Variants in TRAK1 observed in about 807,000 individuals in gnomAD.
TRAK1 encodes trafficking kinesin protein 1, also known as trafficking kinesin-binding protein 1.
A neutral mutation model predicts 92.1 loss-of-function variants in TRAK1; 33 were observed. That is an observed-to-expected ratio of 0.36 (90% CI 0.27 to 0.48). The LOEUF (loss-of-function observed/expected upper bound fraction) is 0.48. TRAK1 is among the 20% of genes least tolerant of loss of function. TRAK1 has a pLI of 0.99. For missense variants in TRAK1, 1,123 were observed against 1,257.9 expected, an observed-to-expected ratio of 0.89 and a Z score of 1.62; for synonymous variants, 521 against 517.3, an observed-to-expected ratio of 1.01 and a Z score of -0.10.
At chr3:42,206,939 C>T (rs1708397742) in intron 13 of TRAK1, among the ~76,000 whole-genome samples, 1 of 152,134 alleles carries the variant, frequency 6.6e-6, no homozygotes, top group African/African-American at 2.4e-5. Context: ...AGGAGAAAGG[C>T]CTATGAGACT....
intron 1 of TRAK1, among the ~76,000 whole-genome samples, chr3:42,047,732 G>T (rs1702811501): frequency 6.6e-6 from 1 of 152,116 alleles, no homozygotes; most frequent in South Asian, 2.1e-4. Context: ...ATTTAGGAAA[G>T]AGATGAAAGT....
chr3:42,019,181 G>C (rs1218050365), intron 1 of TRAK1, among the ~76,000 whole-genome samples: 1 of 151,242 alleles, frequency 6.6e-6, no homozygotes, highest in Non-Finnish European at 1.5e-5. Context: ...ACTTTTTTTT[G>C]TCTCTCTCCA....
chr3:42,074,905 T>A (rs944954757), intron 1 of TRAK1, among the ~76,000 whole-genome samples: 11 of 152,176 alleles, frequency 7.2e-5, no homozygotes, highest in Admixed American at 2.0e-4. Context: ...CTTCTTTGCG[T>A]CCATGTGTAT....
At chr3:42,023,986 C>T (rs1701826276) in intron 1 of TRAK1, among the ~76,000 whole-genome samples, 3 of 152,016 alleles carry the variant, frequency 2.0e-5, no homozygotes, top group Non-Finnish European at 4.4e-5. Flanking sequence ...AATTCCTGAC[C>T]TCAGGTGATT....
At chr3:42,081,464 A>AC (rs1239409600) in intron 1 of TRAK1, among the ~76,000 whole-genome samples, 79 of 152,308 alleles carry the variant, frequency 5.2e-4, no homozygotes, top group African/African-American at 1.8e-3. Context: ...TATTTATTCT[A>AC]CAGACATTTA....
chr3:42,066,063 C>T (rs905372391), intron 1 of TRAK1, among the ~76,000 whole-genome samples: 9 of 152,186 alleles, frequency 5.9e-5, no homozygotes, highest in Non-Finnish European at 7.3e-5. Flanking sequence ...CAGTGGCTCA[C>T]GCCTGTGATC....
rs761497173 is a variant in TRAK1, at chr3:42,209,926, A to G, written c.1904A>G (p.Asp635Gly). ...GACTTTGAAGAAGATGACACAGGTG[A>G]CCACATTTCTCTCCCACGCCTAGCT... Reference protein sequence around the residue: ...LNDFEEDDTGDHISLPRLATS... With the variant: ...LNDFEEDDTGGHISLPRLATS... The change falls in exon 14 of 16, where the codon GAC becomes GGC. Residue 635 changes from aspartate (D) to glycine (G), a missense_variant. Transcript: ENST00000327628. 2.5e-6 allele frequency: 4 copies of G among 1,614,158 alleles called. No individual in the cohort carries two copies. The Admixed American group carries it at 6.7e-5, about 27-fold the overall frequency.
intron 14 of TRAK1, chr3:42,217,574 G>A (rs1382842821): frequency 2.0e-6 from 2 of 985,326 alleles, no homozygotes; most frequent in African/African-American, 3.5e-5. Flanking sequence ...GTGAACATTT[G>A]TGACCTTTTG....
intron 2 of TRAK1, among the ~76,000 whole-genome samples, chr3:42,168,056 A>G (rs1469297311): frequency 6.6e-6 from 1 of 152,256 alleles, no homozygotes; most frequent in African/African-American, 2.4e-5. Flanking sequence ...GAAGAGGTTT[A>G]TGCCTAGGAA....
intron 13 of TRAK1, among the ~76,000 whole-genome samples, chr3:42,205,624 A>C (rs1708245123): frequency 6.6e-6 from 1 of 152,224 alleles, no homozygotes; most frequent in Admixed American, 6.5e-5. Flanking sequence ...CTTTCTGCTT[A>C]ATCATAACCA....
chr3:42,224,981 C>A lies in TRAK1; in HGVS notation c.*1244C>A, dbSNP rs1710662386. 6.6e-6 allele frequency: 1 copy of A among 152,194 alleles called. No homozygotes were observed. Among genetic ancestry groups the A allele is most frequent in the Non-Finnish European group, 1.5e-5 (1 of 68,034 alleles). 9.4% of individuals were successfully genotyped at this position (152,194 alleles called of 1,614,324 possible). A position where few individuals can be genotyped will look rare whatever the true frequency, so the allele number is the denominator to read the frequency against. On this transcript the variant is annotated 3_prime_UTR_variant, in exon 16 of 16. Transcript: ENST00000327628. ...TTTGTCTCCTTGTGCCTCTTTTTAT[C>A]CTTAGGAAAAGATCCAGGTGCTTGT...
At chr3:42,086,148 T>C (rs1037259199), upstream of TRAK1, among the ~76,000 whole-genome samples, 15 of 152,196 alleles carry the variant, frequency 9.9e-5, no homozygotes, top group African/African-American at 3.4e-4. Flanking sequence ...ACTCCTGAAA[T>C]GTGTGGGAAA....
At chr3:42,219,652 T>A (rs1710120951) in intron 15 of TRAK1, 56 bp downstream of exon 15, 2 of 1,590,234 alleles carry the variant, frequency 1.3e-6, no homozygotes, top group Non-Finnish European at 1.7e-6. Flanking sequence ...GGGCACTCCC[T>A]TCCCTGCAAG....
intron 1 of TRAK1, among the ~76,000 whole-genome samples, chr3:42,068,027 C>T (rs1360244273): frequency 2.6e-5 from 4 of 151,788 alleles, no homozygotes; most frequent in East Asian, 1.9e-4. Context: ...AAAAATTAGC[C>T]GGGCGTGATG....
At chr3:42,140,438 G>C (rs1343579229) in intron 2 of TRAK1, among the ~76,000 whole-genome samples, 1 of 152,120 alleles carries the variant, frequency 6.6e-6, no homozygotes, top group African/African-American at 2.4e-5. Context: ...GACCATTCTG[G>C]CTCGATGGTG....
chr3:42,019,828 A>G (rs1466077558), intron 1 of TRAK1, among the ~76,000 whole-genome samples: 1 of 152,198 alleles, frequency 6.6e-6, no homozygotes, highest in African/African-American at 2.4e-5. Flanking sequence ...CAGCTGTATT[A>G]TTGAGTCAGG....
intron 4 of TRAK1, among the ~76,000 whole-genome samples, chr3:42,187,388 T>C (rs920505283): frequency 1.3e-5 from 2 of 152,218 alleles, no homozygotes; most frequent in Non-Finnish European, 2.9e-5. Context: ...AGTAACATGA[T>C]CAATTTTTCT....
At chr3:42,147,223 A>G (rs1308561112) in intron 2 of TRAK1, among the ~76,000 whole-genome samples, 2 of 152,184 alleles carry the variant, frequency 1.3e-5, no homozygotes, top group African/African-American at 2.4e-5. Context: ...GCTGACTTTA[A>G]ATAGTCACAA....
chr3:42,148,067 G>T (rs1216245224), intron 2 of TRAK1, among the ~76,000 whole-genome samples: 2 of 151,932 alleles, frequency 1.3e-5, no homozygotes, highest in Non-Finnish European at 2.9e-5. Flanking sequence ...TATATATGCT[G>T]CTGTTGACAC....
Sources: gnomAD v4.1 joint callset for allele counts (sites outside exome capture counted in the v4.1 genomes callset) on GRCh38, gnomAD v4.1.1 for gene constraint, MANE v1.5 for transcripts, NCBI Gene and HGNC (gene_info 2026-07-23, HGNC 2026-07-21) for gene names.